The following VPS37C variants were observed in gnomAD, a reference collection of about 807,000 sequenced individuals.
VPS37C encodes the protein vacuolar protein sorting-associated protein 37C.
Under a neutral mutation model 16.1 loss-of-function variants are expected in VPS37C, and 9 were observed. The ratio of observed to expected loss-of-function variants is 0.56; its 90% CI spans 0.34 to 0.97. The LOEUF is 0.97. Among genes scored for constraint, VPS37C ranks in the 50% least tolerant of loss-of-function variants. The pLI is 0.02. For synonymous variants in VPS37C, 207 were observed against 206.4 expected (o/e 1.00, Z -0.02); for missense variants, 479 against 472.7 (o/e 1.01, Z -0.12).
At chr11:61,141,450 C>G (rs1258813836) in intron 1 of VPS37C, among the ~76,000 whole-genome samples, 3 of 151,812 alleles carry the variant, frequency 2.0e-5, no homozygotes, top group Admixed American at 6.6e-5. Flanking sequence ...TGGGCTGGAG[C>G]AGAACCCTGG....
chr11:61,144,450 C>T (rs507009), intron 1 of VPS37C: 112,925 of 152,064 alleles, frequency 0.74, 43,465 homozygotes, highest in East Asian at 1. Context: ...ACCCAGTCAC[C>T]GCAGAAGCAG....
chr11:61,131,985 T>C lies in VPS37C; in HGVS notation c.903A>G (p.Pro301=). 7.5e-7 allele frequency: 1 copy of C among 1,340,834 alleles called. No homozygotes were observed. The highest frequency in any genetic ancestry group is 2.2e-5 in the South Asian group (1 of 46,484). 83.1% of individuals were successfully genotyped at this position (1,340,834 alleles called of 1,614,324 possible). ...GAGGTTTTCCTCCTGTTGCGGGGTA[T>C]GGGGACTGTTGAGGATAACCAGGAC... is the stretch of plus-strand genomic sequence containing the variant. ...APSPGYPQQS[P]YPATGGKPPY... Residue 301 remains proline (P), a synonymous_variant, in exon 5 of 5, where the codon CCA becomes CCG. Coordinates refer to ENST00000301765, the MANE Select transcript of VPS37C (RefSeq NM_017966.5).
rs1476588701 is a variant in VPS37C at position 61,132,025 on chromosome 11, C to T, written c.863G>A (p.Gly288Glu). ...ATAACCAGGACTGGGGGCCCTGCCT[C>T]CCCGCAAGGGGTACCCAGGCCCAGA... ...GASGPGYPLR[G>E]GRAPSPGYPQ... Residue 288 changes from glycine (G) to glutamate (E), a missense_variant, in exon 5 of 5, where the codon GGA (glycine) becomes GAA (glutamate). Coordinates refer to ENST00000301765, the MANE Select transcript of VPS37C (RefSeq NM_017966.5). 2 of 1,375,586 alleles carry T rather than the reference C, an allele frequency of 1.5e-6. No individual in the cohort carries two copies. The highest frequency in any genetic ancestry group is 1.9e-5 in the South Asian group (1 of 53,858). 85.2% of individuals were successfully genotyped at this position (1,375,586 alleles called of 1,614,324 possible). A position where few individuals can be genotyped will look rare whatever the true frequency, so the allele number is the denominator to read the frequency against.
chr11:61,131,849 G>A lies in VPS37C; in HGVS notation c.1039C>T (p.Pro347Ser). ...GPAPPYGFPP[P>S]PGPAWPGY ...TACCCAGGCCAGGCAGGCCCCGGCG[G>A]TGGTGGGAACCCATAGGGAGGGGCG... is the stretch of plus-strand genomic sequence containing the variant. Residue 347 changes from proline (P) to serine (S), a missense_variant, in exon 5 of 5, where the codon CCG becomes TCG. Transcript: ENST00000301765. The A allele has an allele frequency of 7.9e-7, 1 of 1,261,602 alleles. No homozygotes were observed. Among genetic ancestry groups the A allele is most frequent in the East Asian group, 3.1e-5 (1 of 32,012 alleles). The allele number at this position is 1,261,602 out of a possible 1,614,324, so 78.2% of individuals were successfully genotyped here.
chr11:61,130,783 GT>G lies in VPS37C; in HGVS notation c.*1036del. 2.3e-6 allele frequency: 1 copy of G among 433,638 alleles called. No homozygotes were observed. Among genetic ancestry groups the G allele is most frequent in the South Asian group, 1.6e-5 (1 of 60,938 alleles). 26.9% of individuals were successfully genotyped at this position (433,638 alleles called of 1,614,324 possible). ...AAATTGCCCCTAATGTAGTGATGGT[GT>G]TTTTTAAAAAGCACCATTTGGGAAG... On this transcript the variant is annotated 3_prime_UTR_variant, in exon 5 of 5. Coordinates refer to ENST00000301765, the MANE Select transcript of VPS37C (RefSeq NM_017966.5).
chr11:61,144,042 C>T (rs1861518401), intron 1 of VPS37C: 1 of 150,146 alleles, frequency 6.7e-6, no homozygotes, highest in Middle Eastern at 3.2e-3. Flanking sequence ...GATCTTGGCT[C>T]ACTGCAAGCT....
chr11:61,149,278 T>G (rs1355207538), intron 1 of VPS37C, among the ~76,000 whole-genome samples: 2 of 152,246 alleles, frequency 1.3e-5, no homozygotes, highest in East Asian at 3.9e-4. Flanking sequence ...AGAGCGAGAC[T>G]CCATCTCAAA....
intron 1 of VPS37C, among the ~76,000 whole-genome samples, chr11:61,158,684 CT>C (rs1394561372): frequency 6.6e-6 from 1 of 152,210 alleles, no homozygotes; most frequent in African/African-American, 2.4e-5. Flanking sequence ...CCTGAGCTAT[CT>C]GTTTGAGGTT....
intron 1 of VPS37C, 64 bp from the exon 2 acceptor site, chr11:61,138,899 G>T: frequency 6.8e-7 from 1 of 1,470,308 alleles, no homozygotes; most frequent in Non-Finnish European, 9.5e-7. Context: ...CCCCGAGCCT[G>T]TACATATGAT....
intron 2 of VPS37C, among the ~76,000 whole-genome samples, chr11:61,137,946 A>AT (rs1376975700): frequency 6.6e-6 from 1 of 152,122 alleles, no homozygotes; most frequent in African/African-American, 2.4e-5. Flanking sequence ...GAACGTCATT[A>AT]TTTTTTTCAA....
At chr11:61,134,886 G>A (rs1042189968) in intron 2 of VPS37C, among the ~76,000 whole-genome samples, 9 of 152,174 alleles carry the variant, frequency 5.9e-5, no homozygotes, top group African/African-American at 7.2e-5. Flanking sequence ...CAGGCTCTTC[G>A]TCGCTGCCAG....
At chr11:61,146,604 G>A (rs1853210244) in intron 1 of VPS37C, among the ~76,000 whole-genome samples, 1 of 152,150 alleles carries the variant, frequency 6.6e-6, no homozygotes, top group African/African-American at 2.4e-5. Context: ...GGGCTGCGGG[G>A]CAGGCGGCTG....
In VPS37C at chr11:61,132,555, T is replaced by A; in HGVS notation, c.349-16A>T. 6.4e-7 allele frequency: 1 copy of A among 1,564,132 alleles called. No homozygotes were observed. Among genetic ancestry groups the A allele is most frequent in the Non-Finnish European group, 8.7e-7 (1 of 1,153,260 alleles). ...CAGCCATGGCCTGGAAGACATAAGG[T>A]CCAGTGACAACAGGGGCAGCTGGGA... On this transcript the variant is annotated splice_polypyrimidine_tract_variant and intron_variant, in intron 4 of 4. Transcript: ENST00000301765.
intron 1 of VPS37C, among the ~76,000 whole-genome samples, chr11:61,157,256 G>A (rs1211713224): frequency 4.6e-5 from 7 of 152,214 alleles, no homozygotes; most frequent in Admixed American, 4.6e-4. Context: ...TATATACCCA[G>A]AAGTGGAATT....
At chr11:61,158,046 G>A (rs1171459301) in intron 1 of VPS37C, among the ~76,000 whole-genome samples, 1 of 152,194 alleles carries the variant, frequency 6.6e-6, no homozygotes, top group Non-Finnish European at 1.5e-5. Context: ...TATGCTTCTT[G>A]TACAGCCTGT....
intron 1 of VPS37C, among the ~76,000 whole-genome samples, chr11:61,159,876 T>C (rs1853440875): frequency 8.9e-6 from 1 of 111,888 alleles, no homozygotes; most frequent in South Asian, 3.2e-4. Flanking sequence ...CACTCCAGCC[T>C]GGGCGACAGA....
At chr11:61,143,816 A>C (rs1730424312) in intron 1 of VPS37C, 2 of 151,460 alleles carry the variant, frequency 1.3e-5, no homozygotes, top group Non-Finnish European at 2.9e-5. Flanking sequence ...GTGCAACACC[A>C]TGCCCAGCTA....
rs1221929855 is a variant in VPS37C, at chr11:61,130,541, A to G, written c.*1279T>C. The G allele has an allele frequency of 1.7e-5, 4 of 242,156 alleles. No homozygotes were observed. The highest frequency in any genetic ancestry group is 8.0e-6 in the Non-Finnish European group (1 of 124,660). The allele number at this position is 242,156 out of a possible 1,614,324, so 15.0% of individuals were successfully genotyped here. ...GCGTCCTCAGGTAGTGGACATTTCA[A>G]GGCACGTACAACTTCCTAAGCAATA... On this transcript the variant is annotated 3_prime_UTR_variant, in exon 5 of 5. Transcript: ENST00000301765.
chr11:61,133,078 G>A lies in VPS37C; in HGVS notation c.348+177C>T, dbSNP rs144135187. The A allele has an allele frequency of 3.7e-4, 274 of 732,634 alleles. 5 individuals carry two copies. Among genetic ancestry groups the A allele is most frequent in the South Asian group, 2.2e-3 (150 of 67,342 alleles). 45.4% of individuals were successfully genotyped at this position (732,634 alleles called of 1,614,324 possible). A position where few individuals can be genotyped will look rare whatever the true frequency, so the allele number is the denominator to read the frequency against. On this transcript the variant is annotated intron_variant, in intron 4 of 4. Coordinates refer to ENST00000301765, the MANE Select transcript of VPS37C (RefSeq NM_017966.5). ...TTTCTGCTTCAGCTAGTGGGACTGG[G>A]TTCCTGTTATTTATACCCAAAAGGC...
Sources: allele counts gnomAD v4.1 joint callset (sites outside exome capture counted in the v4.1 genomes callset), GRCh38; gene constraint gnomAD v4.1.1; transcripts MANE v1.5; gene names NCBI Gene and HGNC (gene_info 2026-07-23, HGNC 2026-07-21).